The following MAN1A2 variants were observed in gnomAD, a reference collection of about 807,000 sequenced individuals.
The protein encoded by MAN1A2 is mannosyl-oligosaccharide 1,2-alpha-mannosidase IB.
In MAN1A2, 26 loss-of-function variants were observed where a neutral mutation model predicts 75.7. The observed-to-expected ratio is 0.34, with a 90% CI of 0.25 to 0.48. The LOEUF (loss-of-function observed/expected upper bound fraction) is 0.48. Ranked by LOEUF, MAN1A2 falls within the 20% of genes least tolerant of loss-of-function variation. The pLI is 0.99. For synonymous variants in MAN1A2, 247 were observed against 264.6 expected (o/e 0.93, Z 0.65); for missense variants, 562 against 775.5 (o/e 0.72, Z 3.27).
chr1:117,374,877 G>A (rs926916320), intron 1 of MAN1A2, among the ~76,000 whole-genome samples: 5 of 152,014 alleles, frequency 3.3e-5, no homozygotes, highest in Non-Finnish European at 7.4e-5. Flanking sequence ...AAAGGAATTA[G>A]TGTCTTTTTT....
chr1:117,450,615 G>A lies in MAN1A2; in HGVS notation c.950+8290G>A, dbSNP rs183762765. On this transcript the variant is annotated intron_variant, in intron 6 of 12. Coordinates refer to ENST00000356554, the MANE Select transcript of MAN1A2 (RefSeq NM_006699.5). The stretch of plus-strand genomic sequence containing the variant: ...CAGGCCCAAGGCCTAGGAGGAAAAA[G>A]TGGTTTCGTGGGCCAGGCCCAGGGT... 3.9e-3 allele frequency among the ~76,000 whole-genome samples: 592 copies of A among 152,320 alleles called. 5 individuals carry two copies. The highest frequency in any genetic ancestry group is 0.017 in the Middle Eastern group (5 of 294).
intron 5 of MAN1A2, among the ~76,000 whole-genome samples, chr1:117,435,671 A>G (rs1224887398): frequency 6.6e-6 from 1 of 152,248 alleles, no homozygotes; most frequent in African/African-American, 2.4e-5. Context: ...ACATTAATGT[A>G]TTTGGTTCAA....
Position 117,402,997 on chromosome 1 carries a change from A to G in MAN1A2, c.558+556A>G, listed in dbSNP as rs189928899. 9.2e-5 allele frequency among the ~76,000 whole-genome samples: 14 copies of G among 152,290 alleles called. No homozygotes were observed. In the East Asian group the frequency reaches 1.9e-3, roughly 21 times the overall value. Reference sequence around the variant, plus strand: ...TTTATTTAGCCTCAGAAGTCTTTCAATTTGTTATTCTGTAGTTACTTAAAA... The same window carrying G: ...TTTATTTAGCCTCAGAAGTCTTTCAGTTTGTTATTCTGTAGTTACTTAAAA... On this transcript the variant is annotated intron_variant, in intron 2 of 12. Transcript: ENST00000356554.
At chr1:117,446,654 T>C (rs138101736) in intron 6 of MAN1A2, among the ~76,000 whole-genome samples, 17 of 152,098 alleles carry the variant, frequency 1.1e-4, no homozygotes, top group Non-Finnish European at 1.6e-4. Context: ...AAAATTACAA[T>C]TTGAATCCTT....
chr1:117,519,639 T>G (rs1167524798), intron 12 of MAN1A2, among the ~76,000 whole-genome samples: 1 of 151,712 alleles, frequency 6.6e-6, no homozygotes, highest in Non-Finnish European at 1.5e-5. Context: ...GAGAAATAGA[T>G]ACCCTGAACA....
chr1:117,397,430 C>G (rs1451889653), intron 1 of MAN1A2, among the ~76,000 whole-genome samples: 1 of 151,886 alleles, frequency 6.6e-6, no homozygotes, highest in African/African-American at 2.4e-5. Flanking sequence ...AATTATTATA[C>G]ATGTTGCTAT....
intron 8 of MAN1A2, among the ~76,000 whole-genome samples, chr1:117,485,401 G>A (rs538791353): frequency 6.6e-6 from 1 of 152,008 alleles, no homozygotes; most frequent in South Asian, 2.1e-4. Context: ...AATGAAAGTA[G>A]ATAAATATTT....
chr1:117,487,396 A>G (rs1016642153), intron 8 of MAN1A2, among the ~76,000 whole-genome samples: 6 of 152,040 alleles, frequency 3.9e-5, no homozygotes, highest in Admixed American at 6.6e-5. Flanking sequence ...TATAAGTAAC[A>G]TGGTTGATAG....
chr1:117,396,215 T>G (rs1202825362), intron 1 of MAN1A2, among the ~76,000 whole-genome samples: 1 of 152,202 alleles, frequency 6.6e-6, no homozygotes, highest in Non-Finnish European at 1.5e-5. Context: ...CATGGCCAGC[T>G]TTTGCTTTAA....
At chr1:117,436,872 C>T (rs1172351065) in intron 5 of MAN1A2, among the ~76,000 whole-genome samples, 4 of 152,202 alleles carry the variant, frequency 2.6e-5, no homozygotes, top group African/African-American at 9.6e-5. Flanking sequence ...AGTCTTGTGT[C>T]TTCTGCCAAC....
chr1:117,417,386 T>G (rs996646186), intron 4 of MAN1A2, among the ~76,000 whole-genome samples: 15 of 151,642 alleles, frequency 9.9e-5, no homozygotes, highest in Middle Eastern at 3.4e-3. Flanking sequence ...CATCTTTGTT[T>G]TGCTACCTAT....
chr1:117,397,053 G>T (rs1653925937), intron 1 of MAN1A2, among the ~76,000 whole-genome samples: 1 of 148,906 alleles, frequency 6.7e-6, no homozygotes, highest in Non-Finnish European at 1.5e-5. Flanking sequence ...ACTGCAAAAT[G>T]ATTCCTCTTG....
At chr1:117,386,133 T>C (rs1330428380) in intron 1 of MAN1A2, among the ~76,000 whole-genome samples, 1 of 152,238 alleles carries the variant, frequency 6.6e-6, no homozygotes, top group Non-Finnish European at 1.5e-5. Context: ...TTATACTAAT[T>C]AATTCCTGAA....
intron 8 of MAN1A2, among the ~76,000 whole-genome samples, chr1:117,472,324 A>G (rs1337445566): frequency 6.6e-6 from 1 of 152,056 alleles, no homozygotes; most frequent in Non-Finnish European, 1.5e-5. Flanking sequence ...GAAAAATATT[A>G]GGGTATATAT....
In MAN1A2 at chr1:117,417,309, G is replaced by A. The variant is rs977484066; in HGVS notation, c.774+2478G>A. ...TTTGTTATTTTTATCCAACCTTAGA[G>A]TCTTTTTAACTATTAAGTTTGATAT... On this transcript the variant is annotated intron_variant, in intron 4 of 12. Transcript: ENST00000356554. 1.2e-4 allele frequency among the ~76,000 whole-genome samples: 18 copies of A among 151,474 alleles called. 1 individual carries two copies. Among genetic ancestry groups the A allele is most frequent in the Admixed American group, 2.6e-4 (4 of 15,192 alleles).
intron 8 of MAN1A2, among the ~76,000 whole-genome samples, chr1:117,490,673 T>C (rs572683440): frequency 3.9e-5 from 6 of 152,216 alleles, no homozygotes; most frequent in African/African-American, 1.4e-4. Flanking sequence ...TAGATGTAAT[T>C]AAGCTTAGTG....
At chr1:117,495,096 T>C (rs1200107427) in intron 9 of MAN1A2, 2 of 151,860 alleles carry the variant, frequency 1.3e-5, no homozygotes, top group Non-Finnish European at 2.9e-5. Flanking sequence ...TTTTTAATCA[T>C]ACATGCTTTG....
intron 6 of MAN1A2, among the ~76,000 whole-genome samples, chr1:117,453,471 G>T (rs897303470): frequency 6.6e-6 from 1 of 152,148 alleles, no homozygotes; most frequent in East Asian, 1.9e-4. Context: ...ATTTTGAAGG[G>T]TTCAAACTCA....
In MAN1A2 at chr1:117,518,862, A is replaced by G. The variant is rs543479667; in HGVS notation, c.1794-3963A>G. On this transcript the variant is annotated intron_variant, in intron 12 of 12. Coordinates refer to ENST00000356554, the MANE Select transcript of MAN1A2 (RefSeq NM_006699.5). The stretch of plus-strand genomic sequence containing the variant: ...TTAACAGATATATGCAGAACATTCC[A>G]TCCAATAACCGCAGAATACACATTC... 9.9e-5 allele frequency among the ~76,000 whole-genome samples: 15 copies of G among 152,224 alleles called. No homozygotes were observed. The South Asian group carries it at 2.9e-3, about 29-fold the overall frequency.
Sources: allele counts gnomAD v4.1 joint callset (sites outside exome capture counted in the v4.1 genomes callset), GRCh38; gene constraint gnomAD v4.1.1; transcripts MANE v1.5; gene names NCBI Gene and HGNC (gene_info 2026-07-23, HGNC 2026-07-21).